The following ZNF532 variants were observed in gnomAD, a reference collection of about 807,000 sequenced individuals.
ZNF532 encodes zinc finger protein 532.
ZNF532 carries 22 observed loss-of-function variants against 89.3 expected under a neutral mutation model. The observed-to-expected ratio is 0.25, with a 90% CI of 0.18 to 0.35. The LOEUF is 0.35. Among genes scored for constraint, ZNF532 ranks in the 10% least tolerant of loss-of-function variants. The probability of loss-of-function intolerance (pLI) is 1.00; values close to 1 mark genes in which losing one functional copy is unlikely to be tolerated. For missense variants in ZNF532, 1,132 were observed against 1,643.4 expected (o/e 0.69, Z 5.38); for synonymous variants, 606 against 649.6 (o/e 0.93, Z 1.02).
chr18:58,983,074 T>C (rs1156681909), intron 9 of ZNF532, among the ~76,000 whole-genome samples: 1 of 152,208 alleles, frequency 6.6e-6, no homozygotes, highest in Non-Finnish European at 1.5e-5. Context: ...ATCATGCCAT[T>C]GCACTCCAGC....
At chr18:58,940,964 T>TACACA (rs1568376885) in intron 5 of ZNF532, among the ~76,000 whole-genome samples, 2 of 45,554 alleles carry the variant, frequency 4.4e-5, no homozygotes, top group East Asian at 4.6e-4. Context: ...ACACACTCTT[T>TACACA]CTCTCTCTCT....
chr18:58,921,144 C>T (rs1336908531), intron 3 of ZNF532, among the ~76,000 whole-genome samples: 4 of 150,954 alleles, frequency 2.6e-5, no homozygotes, highest in Non-Finnish European at 4.4e-5. Context: ...TTTAGTAAAA[C>T]GAGTTTTTTG....
At chr18:58,976,005 G>A (rs905588178) in intron 7 of ZNF532, among the ~76,000 whole-genome samples, 1 of 152,176 alleles carries the variant, frequency 6.6e-6, no homozygotes, top group African/African-American at 2.4e-5. Context: ...ACTCATAAAA[G>A]CAGAAGGAGC....
chr18:58,888,398 G>A (rs1173375448), intron 2 of ZNF532, among the ~76,000 whole-genome samples: 3 of 151,684 alleles, frequency 2.0e-5, no homozygotes, highest in Admixed American at 1.3e-4. Context: ...AAATATGGCC[G>A]GGTGCAGTGG....
chr18:58,867,593 C>T (rs1004762647), intron 2 of ZNF532, among the ~76,000 whole-genome samples: 1 of 152,048 alleles, frequency 6.6e-6, no homozygotes, highest in East Asian at 1.9e-4. Flanking sequence ...CAGGGGGGAC[C>T]CGGTGCCTGC....
intron 7 of ZNF532, among the ~76,000 whole-genome samples, chr18:58,964,870 G>A (rs549525798): frequency 3.3e-4 from 50 of 151,538 alleles, no homozygotes; most frequent in African/African-American, 1.1e-3. Flanking sequence ...GCCTCCCAAA[G>A]TGCCAGGATT....
In ZNF532 at chr18:58,898,062, A is replaced by C. The variant is rs185857841; in HGVS notation, c.-17-20209A>C. Among the ~76,000 whole-genome samples, 32 of 152,390 alleles carry C rather than the reference A, an allele frequency of 2.1e-4. No homozygotes were observed. In the East Asian group the frequency reaches 5.4e-3, roughly 26 times the overall value. Reference sequence around the variant, plus strand: ...GTAATACATGTACATAGATCAAAAAAATAGTACTTTACATCATAATTCCCT... The same window carrying C: ...GTAATACATGTACATAGATCAAAAACATAGTACTTTACATCATAATTCCCT... On this transcript the variant is annotated intron_variant, in intron 2 of 9. Coordinates refer to ENST00000591808, the MANE Select transcript of ZNF532 (RefSeq NM_001375912.1).
chr18:58,961,992 G>C (rs548637678), intron 7 of ZNF532, among the ~76,000 whole-genome samples: 2 of 152,042 alleles, frequency 1.3e-5, no homozygotes, highest in Non-Finnish European at 2.9e-5. Flanking sequence ...TTGGGAGTCC[G>C]AGGTGGATGT....
At chr18:58,973,752 G>A (rs777770972) in intron 7 of ZNF532, among the ~76,000 whole-genome samples, 1 of 152,074 alleles carries the variant, frequency 6.6e-6, no homozygotes, top group Non-Finnish European at 1.5e-5. Context: ...GCTTTCACTT[G>A]GCAAGTGAAT....
intron 5 of ZNF532, among the ~76,000 whole-genome samples, chr18:58,940,969 CT>C (rs2062964172): frequency 7.0e-6 from 1 of 143,124 alleles, no homozygotes; most frequent in Non-Finnish European, 1.6e-5. Flanking sequence ...CTCTTTCTCT[CT>C]CTCTCTCTCT....
intron 3 of ZNF532, among the ~76,000 whole-genome samples, chr18:58,927,834 C>G (rs2061650494): frequency 6.6e-6 from 1 of 152,124 alleles, no homozygotes; most frequent in Non-Finnish European, 1.5e-5. Context: ...ATTAGGCTTC[C>G]TGGGAGGGTC....
chr18:58,867,383 T>TGAGGGTTG (rs2056569731), intron 2 of ZNF532, among the ~76,000 whole-genome samples: 1 of 152,230 alleles, frequency 6.6e-6, no homozygotes, highest in Non-Finnish European at 1.5e-5. Flanking sequence ...CAAATGCTGC[T>TGAGGGTTG]GAGGGTTGGA....
intron 2 of ZNF532, among the ~76,000 whole-genome samples, chr18:58,902,489 C>G (rs2145685572): frequency 6.6e-6 from 1 of 151,158 alleles, no homozygotes; most frequent in African/African-American, 2.4e-5. Flanking sequence ...GGTGACCCTT[C>G]TCCTTCTTTT....
At chr18:58,903,318 C>T (rs965728775) in intron 2 of ZNF532, among the ~76,000 whole-genome samples, 4 of 152,166 alleles carry the variant, frequency 2.6e-5, no homozygotes, top group African/African-American at 7.2e-5. Context: ...CACGCGGAAC[C>T]GCAGCAGCTC....
rs558593880 is a variant in ZNF532, at chr18:58,914,939, C to T, written c.-17-3332C>T. Reference sequence around the variant, plus strand: ...AGTACTTAGGAATTGGGGTGGAAAGCGAAGAAAACTTTCAGACATAAACAT... The same window carrying T: ...AGTACTTAGGAATTGGGGTGGAAAGTGAAGAAAACTTTCAGACATAAACAT... On this transcript the variant is annotated intron_variant, in intron 2 of 9. Coordinates refer to ENST00000591808, the MANE Select transcript of ZNF532 (RefSeq NM_001375912.1). Among the ~76,000 whole-genome samples, 77 of 152,140 alleles carry T rather than the reference C, an allele frequency of 5.1e-4. 1 individual carries two copies. The South Asian group carries it at 0.013, about 26-fold the overall frequency.
chr18:58,942,267 CCACCT>C (rs2063191233), intron 5 of ZNF532, among the ~76,000 whole-genome samples: 6 of 149,564 alleles, frequency 4.0e-5, no homozygotes, highest in Middle Eastern at 3.5e-3. Context: ...CGTGATCCGC[CCACCT>C]TGGCCTCCCA....
intron 2 of ZNF532, among the ~76,000 whole-genome samples, chr18:58,870,592 A>G (rs1337242161): frequency 6.6e-6 from 1 of 152,132 alleles, no homozygotes; most frequent in Non-Finnish European, 1.5e-5. Context: ...ACCTTTCGTT[A>G]CAAAGGTCCT....
chr18:58,960,702 T>C (rs2065262230), intron 7 of ZNF532, among the ~76,000 whole-genome samples: 1 of 152,190 alleles, frequency 6.6e-6, no homozygotes, highest in Non-Finnish European at 1.5e-5. Flanking sequence ...GTTTTGATAC[T>C]GTTCTGTACA....
chr18:58,893,656 C>CAAA (rs11389338), intron 2 of ZNF532, among the ~76,000 whole-genome samples: 2 of 118,108 alleles, frequency 1.7e-5, no homozygotes, highest in African/African-American at 5.7e-5. Context: ...GACTCTGTCT[C>CAAA]AAAAAAAAAA....
Sources: gnomAD v4.1 joint callset for allele counts (sites outside exome capture counted in the v4.1 genomes callset) on GRCh38, gnomAD v4.1.1 for gene constraint, MANE v1.5 for transcripts, NCBI Gene and HGNC (gene_info 2026-07-23, HGNC 2026-07-21) for gene names.